CNBD1: variants seen among roughly 807,000 people sequenced by gnomAD.
The protein encoded by CNBD1 is cyclic nucleotide-binding domain-containing protein 1.
A neutral mutation model predicts 54.4 loss-of-function variants in CNBD1; 71 were observed. The observed-to-expected ratio is 1.30, with a 90% CI of 1.08 to 1.59. The LOEUF (loss-of-function observed/expected upper bound fraction) is 1.59. CNBD1 is among the 40% of genes most tolerant of loss of function. CNBD1 has a pLI of 0.00. For missense variants in CNBD1, 659 were observed against 518.0 expected, an observed-to-expected ratio of 1.27 and a Z score of -2.64; for synonymous variants, 182 against 170.7, an observed-to-expected ratio of 1.07 and a Z score of -0.51.
intron 5 of CNBD1, among the ~76,000 whole-genome samples, chr8:87,236,463 T>C (rs1224598950): frequency 6.6e-6 from 1 of 152,082 alleles, no homozygotes; most frequent in East Asian, 1.9e-4. Context: ...TATAAGTGAT[T>C]GTCATCATGT....
chr8:87,300,302 C>T (rs1808962758), intron 8 of CNBD1, among the ~76,000 whole-genome samples: 1 of 152,032 alleles, frequency 6.6e-6, no homozygotes, highest in Non-Finnish European at 1.5e-5. Context: ...ACAGACACAG[C>T]ATGCTATAAT....
intron 6 of CNBD1, among the ~76,000 whole-genome samples, chr8:87,281,594 AT>A (rs1808603417): frequency 3.7e-5 from 3 of 81,104 alleles, no homozygotes; most frequent in South Asian, 4.1e-4. Context: ...ATATATATAT[AT>A]ATATATAACT....
At chr8:87,251,211 T>C (rs1416144324) in intron 6 of CNBD1, among the ~76,000 whole-genome samples, 1 of 152,132 alleles carries the variant, frequency 6.6e-6, no homozygotes, top group African/African-American at 2.4e-5. Flanking sequence ...GCCCTAGTTT[T>C]TGTGATGTTT....
intron 4 of CNBD1, among the ~76,000 whole-genome samples, chr8:87,111,559 G>A (rs971825244): frequency 2.0e-5 from 3 of 152,108 alleles, no homozygotes; most frequent in African/African-American, 7.2e-5. Context: ...AAATAGATCT[G>A]ACCTCTCTCA....
intron 5 of CNBD1, among the ~76,000 whole-genome samples, chr8:87,228,826 G>A (rs914548255): frequency 3.3e-5 from 5 of 152,176 alleles, no homozygotes; most frequent in African/African-American, 7.2e-5. Flanking sequence ...AATGGCGGGC[G>A]CCCCTCCTCC....
chr8:86,990,854 C>T lies in CNBD1; in HGVS notation c.431+51100C>T, dbSNP rs545428779. 4.6e-5 allele frequency among the ~76,000 whole-genome samples: 7 copies of T among 152,196 alleles called. No homozygotes were observed. In the South Asian group the frequency reaches 1.4e-3, roughly 32 times the overall value. ...ATATCTTTTTCATTTTTGGTGTCCT[C>T]TTAAATTTCTTTCAACAATGTTTTA... On this transcript the variant is annotated intron_variant, in intron 4 of 10. Transcript: ENST00000518476.
intron 8 of CNBD1, among the ~76,000 whole-genome samples, chr8:87,305,555 G>A (rs922287089): frequency 2.0e-5 from 3 of 152,014 alleles, no homozygotes; most frequent in Non-Finnish European, 4.4e-5. Context: ...TATAAAAATA[G>A]GCACATAGAC....
chr8:86,881,298 C>G (rs1442392684), intron 1 of CNBD1, among the ~76,000 whole-genome samples: 1 of 152,048 alleles, frequency 6.6e-6, no homozygotes, highest in Admixed American at 6.6e-5. Flanking sequence ...AATCCCAAAG[C>G]TTCTCAAGCT....
chr8:87,188,798 G>A (rs1470501262), intron 4 of CNBD1, among the ~76,000 whole-genome samples: 2 of 145,524 alleles, frequency 1.4e-5, no homozygotes, highest in African/African-American at 5.0e-5. Flanking sequence ...ATAAATGAAG[G>A]AATGAACAGA....
intron 4 of CNBD1, among the ~76,000 whole-genome samples, chr8:87,094,317 T>G (rs941690198): frequency 6.6e-6 from 1 of 152,024 alleles, no homozygotes; most frequent in Admixed American, 6.6e-5. Flanking sequence ...AAGCTTGGCA[T>G]AAATATTAGA....
At chr8:87,427,037 A>C (rs1404067121) in intron 2 of CNBD1, among the ~76,000 whole-genome samples, 1 of 152,214 alleles carries the variant, frequency 6.6e-6, no homozygotes, top group Non-Finnish European at 1.5e-5. Context: ...GTGTTATACA[A>C]GATGAGATTA....
chr8:87,350,203 G>A (rs769103227), intron 8 of CNBD1, among the ~76,000 whole-genome samples: 11 of 151,848 alleles, frequency 7.2e-5, no homozygotes, highest in Non-Finnish European at 1.2e-4. Flanking sequence ...ATAATTCTAC[G>A]CATACGTTAT....
rs369373568 is a variant in CNBD1 at position 87,353,684 on chromosome 8, T to G, written c.1201T>G (p.Ser401Ala). 47 of 1,603,270 alleles carry G rather than the reference T, an allele frequency of 2.9e-5. No homozygotes were observed. Among genetic ancestry groups the G allele is most frequent in the Non-Finnish European group, 3.5e-5 (41 of 1,175,084 alleles). ...TATGGGGAAACTTAAGGAGAAGGAGTCCTTTGGTGAGATTAGCGTCCTTCT... is the reference window on the plus strand; with the variant it reads ...TATGGGGAAACTTAAGGAGAAGGAGGCCTTTGGTGAGATTAGCGTCCTTCT... ...VYMGKLKEKE[S>A]FGEISVLLQV... The change falls in exon 10 of 11, where the codon TCC (serine) becomes GCC (alanine). Residue 401 changes from serine (S) to alanine (A), a missense_variant. By Grantham distance (99) the Ser-to-Ala change is moderately conservative. Coordinates refer to ENST00000518476, the MANE Select transcript of CNBD1 (RefSeq NM_173538.3).
At chr8:87,421,902 G>C (rs1266182468) in intron 2 of CNBD1, among the ~76,000 whole-genome samples, 1 of 146,804 alleles carries the variant, frequency 6.8e-6, no homozygotes, top group African/African-American at 2.6e-5. Context: ...CAGTGTAAAA[G>C]TGTTCCTATT....
At chr8:87,276,544 A>G (rs1362211804) in intron 6 of CNBD1, among the ~76,000 whole-genome samples, 1 of 151,900 alleles carries the variant, frequency 6.6e-6, no homozygotes, top group East Asian at 1.9e-4. Flanking sequence ...AAACGGAAGT[A>G]GGTCTTGTTT....
intron 5 of CNBD1, among the ~76,000 whole-genome samples, chr8:87,212,778 A>G (rs1814128182): frequency 6.6e-6 from 1 of 152,208 alleles, no homozygotes; most frequent in Non-Finnish European, 1.5e-5. Context: ...AAGAATCTTC[A>G]TAATCACAGG....
Position 87,286,560 on chromosome 8 carries a change from A to G in CNBD1, c.931A>G (p.Met311Val), listed in dbSNP as rs893581753. 10 of 1,449,214 alleles carry G rather than the reference A, an allele frequency of 6.9e-6. No individual in the cohort carries two copies. Among genetic ancestry groups the G allele is most frequent in the Non-Finnish European group, 9.5e-6 (10 of 1,055,704 alleles). 89.8% of individuals were successfully genotyped at this position (1,449,214 alleles called of 1,614,324 possible). ...IKEEKIKLEN[M>V]QKLKLIRMCP... Reference sequence around the variant, plus strand: ...TTAGGAAAAAATAAAACTTGAAAATATGCAAAAGTTGAAATTAATCCGTAT... The same window carrying G: ...TTAGGAAAAAATAAAACTTGAAAATGTGCAAAAGTTGAAATTAATCCGTAT... The change falls in exon 8 of 11, where the codon ATG (methionine) becomes GTG (valine). Residue 311 changes from methionine to valine, a missense_variant. Coordinates refer to ENST00000518476, the MANE Select transcript of CNBD1 (RefSeq NM_173538.3).
intron 8 of CNBD1, among the ~76,000 whole-genome samples, chr8:87,339,891 C>T (rs953681782): frequency 1.3e-5 from 2 of 152,052 alleles, no homozygotes; most frequent in Non-Finnish European, 2.9e-5. Context: ...TTGCTTTTAA[C>T]TTCTATACCA....
intron 2 of CNBD1, among the ~76,000 whole-genome samples, chr8:87,413,999 T>C (rs1192339686): frequency 1.3e-5 from 2 of 152,080 alleles, no homozygotes; most frequent in African/African-American, 2.4e-5. Context: ...AAATACCATT[T>C]GACCCAGCCA....
Sources: gnomAD v4.1 joint callset for allele counts (sites outside exome capture counted in the v4.1 genomes callset) on GRCh38, gnomAD v4.1.1 for gene constraint, MANE v1.5 for transcripts, NCBI Gene and HGNC (gene_info 2026-07-23, HGNC 2026-07-21) for gene names.